The following BEND7 variants were observed in gnomAD, a reference collection of about 807,000 sequenced individuals.
BEND7 encodes BEN domain-containing protein 7.
A neutral mutation model predicts 50.9 loss-of-function variants in BEND7; 28 were observed. That is an observed-to-expected ratio of 0.55 (90% CI 0.41 to 0.75). The LOEUF (loss-of-function observed/expected upper bound fraction) is 0.75. Ranked by LOEUF, BEND7 falls within the 30% of genes least tolerant of loss-of-function variation. The pLI is 0.00. For synonymous variants in BEND7, 170 were observed against 183.9 expected, an observed-to-expected ratio of 0.92 and a Z score of 0.61; for missense variants, 477 against 491.3, an observed-to-expected ratio of 0.97 and a Z score of 0.28.
At chr10:13,499,309 G>A (rs964647470) in intron 3 of BEND7, among the ~76,000 whole-genome samples, 1 of 152,106 alleles carries the variant, frequency 6.6e-6, no homozygotes, top group East Asian at 1.9e-4. Context: ...TGGGATGCTG[G>A]GTTATCGGCC....
At chr10:13,496,637 C>A in intron 4 of BEND7, 129 bp downstream of exon 4, 11 of 1,138,698 alleles carry the variant, frequency 9.7e-6, no homozygotes, top group Non-Finnish European at 1.3e-5. Flanking sequence ...AAAACAGATA[C>A]TTGAAAAGGC....
intron 5 of BEND7, among the ~76,000 whole-genome samples, chr10:13,487,785 G>A (rs915315595): frequency 1.3e-5 from 2 of 152,036 alleles, no homozygotes; most frequent in Non-Finnish European, 2.9e-5. Context: ...ATTGGGCTAA[G>A]AAGTTGTTAA....
chr10:13,496,834 C>A lies in BEND7; in HGVS notation c.503G>T (p.Cys168Phe). Residue 168 changes from cysteine (C) to phenylalanine (F), a missense_variant, in exon 4 of 9, where the codon TGC becomes TTC. By Grantham distance (205) the Cys-to-Phe change is radical (BLOSUM62 -2). Around this residue, in one of 3 missense-constraint regions of BEND7, gnomAD observed 396 missense variants for 384.2 expected, o/e 1.03. Coordinates refer to ENST00000466271, the MANE Select transcript of BEND7 (RefSeq NM_001369863.1). Reference sequence around the variant, plus strand: ...TAGAATGGCCTGCAACGTTGACTGGCAGTTACAAGTACAGCAGTTTGATCC... The same window carrying A: ...TAGAATGGCCTGCAACGTTGACTGGAAGTTACAAGTACAGCAGTTTGATCC... ...SAGSNCCTCN[C>F]QSTLQAILQE... 1 of 1,607,250 alleles carries A rather than the reference C, an allele frequency of 6.2e-7. No homozygotes were observed. The highest frequency in any genetic ancestry group is 8.5e-7 in the Non-Finnish European group (1 of 1,177,816).
intron 7 of BEND7, among the ~76,000 whole-genome samples, chr10:13,449,065 A>C (rs1837107045): frequency 6.6e-6 from 1 of 152,216 alleles, no homozygotes; most frequent in African/African-American, 2.4e-5. Flanking sequence ...AAGATTCTGG[A>C]AACAGGTTTA....
intron 6 of BEND7, among the ~76,000 whole-genome samples, chr10:13,460,740 GATTCTT>G (rs1464644133): frequency 6.6e-6 from 1 of 152,200 alleles, no homozygotes; most frequent in Non-Finnish European, 1.5e-5. Flanking sequence ...CGTTTTTGTT[GATTCTT>G]ATTAAGTGCA....
chr10:13,441,511 C>A lies in BEND7; in HGVS notation c.*232G>T. 3 of 1,377,176 alleles carry A rather than the reference C, an allele frequency of 2.2e-6. No individual in the cohort carries two copies. The highest frequency in any genetic ancestry group is 1.8e-5 in the South Asian group (1 of 54,354). 85.3% of individuals were successfully genotyped at this position (1,377,176 alleles called of 1,614,324 possible). A position where few individuals can be genotyped will look rare whatever the true frequency, so the allele number is the denominator to read the frequency against. ...TGCTGAACACCCCAAGCTGTGGCCC[C>A]GCCTTGGAAGGCAGTGCTTCTGAAG... On this transcript the variant is annotated 3_prime_UTR_variant, in exon 9 of 9. Transcript: ENST00000466271.
At chr10:13,514,133 G>A (rs1243559027) in intron 2 of BEND7, among the ~76,000 whole-genome samples, 2 of 152,086 alleles carry the variant, frequency 1.3e-5, no homozygotes, top group East Asian at 3.9e-4. Context: ...CCCAGGCCTG[G>A]GAGGGCTCCT....
chr10:13,523,151 A>G (rs1201552520), intron 2 of BEND7, among the ~76,000 whole-genome samples: 1 of 152,158 alleles, frequency 6.6e-6, no homozygotes, highest in Non-Finnish European at 1.5e-5. Flanking sequence ...AGTATCTTCT[A>G]TAAAGACACT....
intron 6 of BEND7, among the ~76,000 whole-genome samples, chr10:13,479,277 G>A (rs951737147): frequency 1.3e-5 from 2 of 152,090 alleles, no homozygotes; most frequent in African/African-American, 2.4e-5. Context: ...CCAAAGTGCA[G>A]GGATTACAGG....
At chr10:13,518,284 C>T (rs926608897) in intron 2 of BEND7, among the ~76,000 whole-genome samples, 1 of 137,672 alleles carries the variant, frequency 7.3e-6, no homozygotes, top group Non-Finnish European at 1.6e-5. Flanking sequence ...CGGGCCGTGG[C>T]GAGCAGGCTG....
At position 13,452,525 on chromosome 10, in the gene BEND7, C is replaced by T; in HGVS notation, c.1183+14G>A. 1 of 1,588,706 alleles carries T rather than the reference C, an allele frequency of 6.3e-7. No individual in the cohort carries two copies. The highest frequency in any genetic ancestry group is 8.6e-7 in the Non-Finnish European group (1 of 1,169,308). On this transcript the variant is annotated intron_variant, in intron 7 of 8. Coordinates refer to ENST00000466271, the MANE Select transcript of BEND7 (RefSeq NM_001369863.1). ...AAGTGCTTCTCCAATTATTTTTCTG[C>T]ACCTTAGTCATACCTGAGCCTCTTT...
chr10:13,506,400 A>G (rs149775296), intron 2 of BEND7, among the ~76,000 whole-genome samples: 37 of 152,210 alleles, frequency 2.4e-4, no homozygotes, highest in African/African-American at 8.4e-4. Context: ...GAGGTGTATT[A>G]CCTTGCATCC....
downstream of BEND7, chr10:13,439,377 T>C: frequency 6.2e-7 from 1 of 1,614,132 alleles, no homozygotes; most frequent in East Asian, 2.2e-5. Context: ...GAGATGCTGC[T>C]CCTCCCAGGG....
intron 6 of BEND7, among the ~76,000 whole-genome samples, chr10:13,472,592 C>G (rs182999114): frequency 6.6e-6 from 1 of 151,450 alleles, no homozygotes; most frequent in Non-Finnish European, 1.5e-5. Flanking sequence ...GGGGTTGATA[C>G]CCGTCATCAC....
intron 6 of BEND7, among the ~76,000 whole-genome samples, chr10:13,462,269 T>C (rs1840365808): frequency 6.6e-6 from 1 of 152,174 alleles, no homozygotes; most frequent in South Asian, 2.1e-4. Flanking sequence ...CAGTTTAACA[T>C]GGCTGGGGAG....
upstream of BEND7, among the ~76,000 whole-genome samples, chr10:13,529,137 G>C: frequency 6.9e-6 from 1 of 144,380 alleles, no homozygotes; most frequent in East Asian, 2.1e-4. Context: ...CATCCCCGGG[G>C]GCCGCCGCCG....
chr10:13,444,066 C>A (rs1206579500), intron 8 of BEND7: 11 of 148,290 alleles, frequency 7.4e-5, no homozygotes, highest in Non-Finnish European at 1.5e-4. Flanking sequence ...TTTCTCTATA[C>A]TTTTTTTTTT....
chr10:13,514,684 G>C (rs1435749515), intron 2 of BEND7, among the ~76,000 whole-genome samples: 1 of 152,180 alleles, frequency 6.6e-6, no homozygotes, highest in East Asian at 1.9e-4. Context: ...AACTTGTAGA[G>C]AAACGCTAAA....
intron 8 of BEND7, chr10:13,444,114 G>C (rs1426169708): frequency 6.6e-6 from 1 of 151,466 alleles, no homozygotes; most frequent in Non-Finnish European, 1.5e-5. Context: ...GGCTTTTCTT[G>C]AGCCCCAGAC....
Sources: allele counts gnomAD v4.1 joint callset (sites outside exome capture counted in the v4.1 genomes callset), GRCh38; gene constraint gnomAD v4.1.1; regional missense constraint gnomAD v4.1.1; transcripts MANE v1.5; gene names NCBI Gene and HGNC (gene_info 2026-07-23, HGNC 2026-07-21).